The following UVRAG variants were observed in gnomAD, a reference collection of about 807,000 sequenced individuals.
UVRAG encodes the protein UV radiation resistance associated, also known as UV radiation resistance-associated gene protein.
Under a neutral mutation model 78.0 loss-of-function variants are expected in UVRAG, and 19 were observed. The observed-to-expected ratio is 0.24, with a 90% CI of 0.17 to 0.36. The LOEUF (loss-of-function observed/expected upper bound fraction) is 0.36. Ranked by LOEUF, UVRAG falls within the 10% of genes least tolerant of loss-of-function variation. UVRAG has a pLI of 1.00. For missense variants in UVRAG, 740 were observed against 853.8 expected (o/e 0.87, Z 1.66); for synonymous variants, 323 against 324.6 (o/e 1.00, Z 0.05).
At chr11:75,932,307 ATGGAGTCTCACT>A (rs1379203604) in intron 6 of UVRAG, among the ~76,000 whole-genome samples, 1 of 147,700 alleles carries the variant, frequency 6.8e-6, no homozygotes, top group Admixed American at 6.7e-5. Context: ...ATTTATTGAG[ATGGAGTCTCACT>A]CTGTCATCAG....
intron 6 of UVRAG, chr11:75,916,826 G>C (rs527595251): frequency 6.6e-6 from 1 of 152,208 alleles, no homozygotes; most frequent in Non-Finnish European, 1.5e-5. Context: ...GTCTTCTTGT[G>C]CCAAGTTAGT....
At chr11:76,111,758 T>G (rs1186135200) in intron 13 of UVRAG, among the ~76,000 whole-genome samples, 1 of 152,050 alleles carries the variant, frequency 6.6e-6, no homozygotes, top group Non-Finnish European at 1.5e-5. Flanking sequence ...CATCCACTCA[T>G]TCTGCAATGA....
chr11:75,994,796 A>G (rs938283157), intron 8 of UVRAG, among the ~76,000 whole-genome samples: 5 of 152,098 alleles, frequency 3.3e-5, no homozygotes, highest in South Asian at 2.1e-4. Flanking sequence ...GTCCGGGTCA[A>G]CTCACAGTTT....
intron 1 of UVRAG, among the ~76,000 whole-genome samples, chr11:75,840,864 T>C (rs1242715623): frequency 2.6e-5 from 4 of 152,190 alleles, no homozygotes; most frequent in African/African-American, 7.2e-5. Context: ...ATCAAAGGAT[T>C]AGGAAAATAT....
At chr11:75,900,189 A>G (rs1488131880) in intron 5 of UVRAG, among the ~76,000 whole-genome samples, 1 of 152,238 alleles carries the variant, frequency 6.6e-6, no homozygotes, top group Non-Finnish European at 1.5e-5. Context: ...GTAAACAGAA[A>G]CAGAGTTCGA....
In UVRAG at chr11:75,861,473, A is replaced by G. The variant is rs528915613; in HGVS notation, c.236-273A>G. ...GTTGGAGCTTTTAAGGGCTCAAATT[A>G]GAATTGGAGGAAAAAGGAGTCAGTA... is the stretch of plus-strand genomic sequence containing the variant. On this transcript the variant is annotated intron_variant, in intron 2 of 14. Coordinates refer to ENST00000356136, the MANE Select transcript of UVRAG (RefSeq NM_003369.4). 3.3e-5 allele frequency among the ~76,000 whole-genome samples: 5 copies of G among 152,352 alleles called. No homozygotes were observed. In the East Asian group the frequency reaches 7.7e-4, roughly 23 times the overall value.
chr11:76,143,351 G>A lies in UVRAG; in HGVS notation c.*1938G>A, dbSNP rs2134525077. On this transcript the variant is annotated 3_prime_UTR_variant, in exon 15 of 15. Coordinates refer to ENST00000356136, the MANE Select transcript of UVRAG (RefSeq NM_003369.4). ...AGCCTGGCGCTGGCACCACCAAGGA[G>A]CAGGACTCCTCATGATTACAGTGTC... is the stretch of plus-strand genomic sequence containing the variant. 6.6e-6 allele frequency among the ~76,000 whole-genome samples: 1 copy of A among 152,298 alleles called. No homozygotes were observed. Among genetic ancestry groups the A allele is most frequent in the Admixed American group, 6.5e-5 (1 of 15,298 alleles).
chr11:75,972,672 C>G (rs1221148664), intron 7 of UVRAG, among the ~76,000 whole-genome samples: 2 of 152,144 alleles, frequency 1.3e-5, no homozygotes, highest in Non-Finnish European at 2.9e-5. Context: ...TATGGTAATT[C>G]TAGACATTGG....
intron 11 of UVRAG, among the ~76,000 whole-genome samples, chr11:76,015,025 T>C (rs1950121242): frequency 6.6e-6 from 1 of 152,224 alleles, no homozygotes; most frequent in Non-Finnish European, 1.5e-5. Flanking sequence ...TTTGATTTTT[T>C]TCCATGGGTT....
intron 4 of UVRAG, among the ~76,000 whole-genome samples, chr11:75,880,874 T>G (rs1946928391): frequency 6.6e-6 from 1 of 151,148 alleles, no homozygotes; most frequent in African/African-American, 2.4e-5. Flanking sequence ...CTCTTTTAAC[T>G]GGGCTCAAAA....
chr11:76,076,059 G>A (rs1006915605), intron 13 of UVRAG, among the ~76,000 whole-genome samples: 1 of 152,076 alleles, frequency 6.6e-6, no homozygotes, highest in African/African-American at 2.4e-5. Flanking sequence ...TGAACATTTG[G>A]GTACAAGTTT....
chr11:75,846,040 G>A (rs1047751176), intron 1 of UVRAG, among the ~76,000 whole-genome samples: 2 of 152,100 alleles, frequency 1.3e-5, no homozygotes, highest in African/African-American at 4.8e-5. Flanking sequence ...TATTTGAACC[G>A]ATTTAGATCA....
intron 8 of UVRAG, among the ~76,000 whole-genome samples, chr11:75,988,866 A>T (rs562454978): frequency 6.6e-6 from 1 of 152,198 alleles, no homozygotes; most frequent in African/African-American, 2.4e-5. Flanking sequence ...CTTTCCTCTG[A>T]TGAAATGTCT....
intron 1 of UVRAG, among the ~76,000 whole-genome samples, chr11:75,834,529 A>G (rs1403499207): frequency 1.3e-5 from 2 of 152,164 alleles, no homozygotes; most frequent in Non-Finnish European, 2.9e-5. Context: ...AAGACCATGC[A>G]TGGGGCCGGG....
intron 1 of UVRAG, among the ~76,000 whole-genome samples, chr11:75,820,295 T>G (rs767621647): frequency 6.6e-6 from 1 of 151,930 alleles, no homozygotes; most frequent in South Asian, 2.1e-4. Context: ...TTTATACTTA[T>G]AGAAAAATTG....
intron 13 of UVRAG, among the ~76,000 whole-genome samples, chr11:76,068,409 T>G (rs1464996958): frequency 6.6e-6 from 1 of 152,214 alleles, no homozygotes; most frequent in East Asian, 1.9e-4. Context: ...TCTCCAGCTT[T>G]ATATATGCTC....
At position 75,942,745 on chromosome 11, in the gene UVRAG, C is replaced by T. The variant is rs147215036; in HGVS notation, c.594-18699C>T. On this transcript the variant is annotated intron_variant, in intron 6 of 14. Transcript: ENST00000356136. ...GGATACAAAGGAAGAAGACAAGAAG[C>T]GAATTGTCTAGTTGAATAAGATTTA... Among the ~76,000 whole-genome samples, 23 of 152,120 alleles carry T rather than the reference C, an allele frequency of 1.5e-4. No homozygotes were observed. The East Asian group carries it at 2.3e-3, about 15-fold the overall frequency.
At chr11:76,134,111 C>T (rs531753933) in intron 14 of UVRAG, among the ~76,000 whole-genome samples, 78 of 152,054 alleles carry the variant, frequency 5.1e-4, no homozygotes, top group Non-Finnish European at 9.0e-4. Context: ...CAGGTGCCCA[C>T]CACTACACCG....
At chr11:75,940,269 A>T (rs1269560051) in intron 6 of UVRAG, among the ~76,000 whole-genome samples, 2 of 152,302 alleles carry the variant, frequency 1.3e-5, no homozygotes, top group African/African-American at 4.8e-5. Context: ...AAACGAGAGC[A>T]TTGAATTAAA....
Sources: allele counts gnomAD v4.1 joint callset (sites outside exome capture counted in the v4.1 genomes callset), GRCh38; gene constraint gnomAD v4.1.1; transcripts MANE v1.5; gene names NCBI Gene and HGNC (gene_info 2026-07-23, HGNC 2026-07-21).